The following GNG2 variants were observed in gnomAD, a reference collection of about 807,000 sequenced individuals.
GNG2 encodes guanine nucleotide-binding protein G(I)/G(S)/G(O) subunit gamma-2.
GNG2 carries 5 observed loss-of-function variants against 5.5 expected under a neutral mutation model. The ratio of observed to expected loss-of-function variants is 0.91; its 90% CI spans 0.48 to 1.92. The LOEUF (loss-of-function observed/expected upper bound fraction) is 1.92. GNG2 is among the 30% of genes most tolerant of loss of function. The pLI, the probability that GNG2 is intolerant of heterozygous loss-of-function variation, is 0.01. For missense variants in GNG2, 55 were observed against 88.4 expected, an observed-to-expected ratio of 0.62 and a Z score of 1.52; for synonymous variants, 28 against 32.0, an observed-to-expected ratio of 0.88 and a Z score of 0.42.
chr14:51,828,004 G>A (rs774579665), intron 2 of GNG2, among the ~76,000 whole-genome samples: 1 of 152,202 alleles, frequency 6.6e-6, no homozygotes, highest in African/African-American at 2.4e-5. Flanking sequence ...ACGGTTGGGG[G>A]AAGGCAAGCA....
intron 3 of GNG2, chr14:51,951,942 C>G (rs1566710693): frequency 1.4e-6 from 1 of 700,016 alleles, no homozygotes. Flanking sequence ...TGTGCGTTCC[C>G]AACACCCAGA....
chr14:51,916,459 C>T, intron 2 of GNG2: 1 of 453,662 alleles, frequency 2.2e-6, no homozygotes, highest in Middle Eastern at 3.3e-4. Context: ...CTCTAGGATG[C>T]CAGTGTTATA....
At chr14:51,901,752 G>C (rs71422044) in intron 2 of GNG2, among the ~76,000 whole-genome samples, 1 of 149,218 alleles carries the variant, frequency 6.7e-6, no homozygotes, top group African/African-American at 2.5e-5. Flanking sequence ...GAGAATGGGG[G>C]TGCAGGGGCA....
chr14:51,863,227 C>T (rs202151464), intron 1 of GNG2, among the ~76,000 whole-genome samples: 4 of 152,300 alleles, frequency 2.6e-5, no homozygotes, highest in East Asian at 3.9e-4. Context: ...GTGAAAAGAA[C>T]GCAGGCTTTG....
At chr14:51,878,027 A>T in intron 2 of GNG2, 1 of 175,416 alleles carries the variant, frequency 5.7e-6, no homozygotes, top group Non-Finnish European at 1.2e-5. Flanking sequence ...GGTCAGGGAA[A>T]GGTAAACCCT....
chr14:51,949,565 C>G (rs1043305843), intron 2 of GNG2, among the ~76,000 whole-genome samples: 11 of 152,126 alleles, frequency 7.2e-5, no homozygotes, highest in African/African-American at 2.7e-4. Flanking sequence ...GAACAAGATT[C>G]CATTAGTGTT....
intron 2 of GNG2, among the ~76,000 whole-genome samples, chr14:51,833,863 T>C (rs935852350): frequency 3.6e-4 from 55 of 152,374 alleles, no homozygotes; most frequent in African/African-American, 1.3e-3. Context: ...CAACTATCTT[T>C]GCCACTTGCT....
At chr14:51,879,642 A>G (rs1376220034) in intron 2 of GNG2, among the ~76,000 whole-genome samples, 1 of 152,218 alleles carries the variant, frequency 6.6e-6, no homozygotes, top group Non-Finnish European at 1.5e-5. Flanking sequence ...TACAGCTTCT[A>G]GAGCTTCCTC....
chr14:51,903,853 C>T (rs1265542622), intron 2 of GNG2, among the ~76,000 whole-genome samples: 1 of 152,162 alleles, frequency 6.6e-6, no homozygotes, highest in Non-Finnish European at 1.5e-5. Flanking sequence ...AGCTGTGACC[C>T]AAATCCTAAT....
intron 2 of GNG2, among the ~76,000 whole-genome samples, chr14:51,936,072 C>T (rs1887985154): frequency 6.6e-6 from 1 of 152,148 alleles, no homozygotes; most frequent in Non-Finnish European, 1.5e-5. Context: ...TCATGAGTCT[C>T]CAGGGACCGC....
At chr14:51,912,665 G>A (rs921089290) in intron 2 of GNG2, among the ~76,000 whole-genome samples, 3 of 152,170 alleles carry the variant, frequency 2.0e-5, no homozygotes, top group African/African-American at 4.8e-5. Context: ...TGACATTCTC[G>A]AGAGAGCTAT....
intron 2 of GNG2, among the ~76,000 whole-genome samples, chr14:51,944,784 A>T (rs535104376): frequency 6.6e-6 from 1 of 152,330 alleles, no homozygotes; most frequent in Non-Finnish European, 1.5e-5. Flanking sequence ...AAAATAGACA[A>T]ATTGGACTCC....
intron 2 of GNG2, among the ~76,000 whole-genome samples, chr14:51,937,039 A>G (rs1235309500): frequency 1.3e-5 from 2 of 152,172 alleles, no homozygotes; most frequent in Admixed American, 6.5e-5. Context: ...AGCATGGGCA[A>G]TAGCTGTCTA....
intron 2 of GNG2, among the ~76,000 whole-genome samples, chr14:51,923,354 A>T (rs1352871496): frequency 1.3e-5 from 2 of 152,138 alleles, no homozygotes; most frequent in Non-Finnish European, 2.9e-5. Flanking sequence ...TGAACTGTAG[A>T]GGTTAAGAGA....
upstream of GNG2, among the ~76,000 whole-genome samples, chr14:51,855,861 T>C (rs1882132172): frequency 1.3e-5 from 2 of 151,400 alleles, no homozygotes; most frequent in Non-Finnish European, 2.9e-5. Context: ...GAAGAAAAAG[T>C]AGGGAGGGCT....
chr14:51,879,485 C>A (rs1883897974), intron 2 of GNG2, among the ~76,000 whole-genome samples: 1 of 152,186 alleles, frequency 6.6e-6, no homozygotes, highest in African/African-American at 2.4e-5. Context: ...TTATTACAAA[C>A]CTAGTGGCTT....
At chr14:51,914,121 A>T in intron 2 of GNG2, 1 of 659,698 alleles carries the variant, frequency 1.5e-6, no homozygotes, top group Admixed American at 2.3e-5. Context: ...AGATATTGAA[A>T]TTGCAATCAT....
intron 2 of GNG2, among the ~76,000 whole-genome samples, chr14:51,885,469 C>T (rs1884384320): frequency 6.6e-6 from 1 of 152,048 alleles, no homozygotes; most frequent in African/African-American, 2.4e-5. Flanking sequence ...TTGAGACCTT[C>T]TTTCAAATAC....
At chr14:51,890,938 ATTCCAGCT>A (rs1214324923) in intron 2 of GNG2, among the ~76,000 whole-genome samples, 1 of 152,224 alleles carries the variant, frequency 6.6e-6, no homozygotes, top group Non-Finnish European at 1.5e-5. Flanking sequence ...ATGGCTTTGA[ATTCCAGCT>A]TATAGAGCAT....
Sources: allele counts gnomAD v4.1 joint callset (sites outside exome capture counted in the v4.1 genomes callset), GRCh38; gene constraint gnomAD v4.1.1; transcripts MANE v1.5; gene names NCBI Gene and HGNC (gene_info 2026-07-23, HGNC 2026-07-21).